Variants in ZNF521 observed in about 807,000 individuals in gnomAD.
The protein encoded by ZNF521 is zinc finger protein 521.
A neutral mutation model predicts 105.5 loss-of-function variants in ZNF521; 14 were observed. The ratio of observed to expected loss-of-function variants is 0.13; its 90% CI spans 0.09 to 0.21. ZNF521 has a LOEUF of 0.21. Ranked by LOEUF, ZNF521 falls within the 10% of genes least tolerant of loss-of-function variation. ZNF521 has a pLI of 1.00. For synonymous variants in ZNF521, 635 were observed against 606.0 expected, an observed-to-expected ratio of 1.05 and a Z score of -0.70; for missense variants, 1,233 against 1,629.7, an observed-to-expected ratio of 0.76 and a Z score of 4.19.
chr18:25,162,232 C>T (rs2035264173), intron 5 of ZNF521, among the ~76,000 whole-genome samples: 2 of 151,958 alleles, frequency 1.3e-5, no homozygotes, highest in African/African-American at 4.8e-5. Flanking sequence ...GAAAAAAAGG[C>T]CTTAACATTC....
At chr18:25,135,450 G>A (rs2034716949) in intron 5 of ZNF521, among the ~76,000 whole-genome samples, 1 of 151,950 alleles carries the variant, frequency 6.6e-6, no homozygotes, top group Admixed American at 6.6e-5. Context: ...GCTGGAGACG[G>A]CTCCATGACC....
At chr18:25,104,703 G>C (rs1360470139) in intron 5 of ZNF521, among the ~76,000 whole-genome samples, 2 of 152,138 alleles carry the variant, frequency 1.3e-5, no homozygotes, top group African/African-American at 4.8e-5. Flanking sequence ...TGTAATTGTT[G>C]CGTAAAACAG....
chr18:25,175,615 T>C (rs746297734), intron 5 of ZNF521, among the ~76,000 whole-genome samples: 4 of 152,292 alleles, frequency 2.6e-5, no homozygotes, highest in Non-Finnish European at 4.4e-5. Context: ...TAAATATTGG[T>C]TGAGTTACAA....
intron 3 of ZNF521, among the ~76,000 whole-genome samples, chr18:25,313,972 AAAACTT>A: frequency 6.6e-6 from 1 of 152,312 alleles, no homozygotes; most frequent in East Asian, 1.9e-4. Flanking sequence ...ACAGGAAAAT[AAAACTT>A]ATAGTGCCTT....
chr18:25,088,749 C>T (rs1326230140), intron 7 of ZNF521, among the ~76,000 whole-genome samples: 1 of 152,004 alleles, frequency 6.6e-6, no homozygotes, highest in Non-Finnish European at 1.5e-5. Context: ...CAGTCTATAG[C>T]TAAGAAAAAT....
intron 7 of ZNF521, among the ~76,000 whole-genome samples, chr18:25,073,101 C>T (rs939827589): frequency 1.3e-5 from 2 of 151,960 alleles, no homozygotes; most frequent in African/African-American, 2.4e-5. Flanking sequence ...ATTTCCTCTC[C>T]GCCAGCTCTC....
At chr18:25,153,269 C>A (rs913987425) in intron 5 of ZNF521, among the ~76,000 whole-genome samples, 1 of 152,176 alleles carries the variant, frequency 6.6e-6, no homozygotes, top group Non-Finnish European at 1.5e-5. Flanking sequence ...GATACTACAA[C>A]TCTCTAATAA....
intron 3 of ZNF521, among the ~76,000 whole-genome samples, chr18:25,232,724 C>T (rs45502298): frequency 0.044 from 6,769 of 152,168 alleles, 357 homozygotes; most frequent in African/African-American, 0.12. Context: ...GCCAAGAATG[C>T]GGTTTATACC....
intron 3 of ZNF521, among the ~76,000 whole-genome samples, chr18:25,252,120 C>T (rs1184188937): frequency 1.3e-5 from 2 of 152,246 alleles, no homozygotes; most frequent in East Asian, 3.9e-4. Context: ...TTTTGTATAG[C>T]ATTAGCACCC....
chr18:25,335,430 G>A (rs913464684), intron 2 of ZNF521, among the ~76,000 whole-genome samples: 24 of 152,152 alleles, frequency 1.6e-4, no homozygotes, highest in East Asian at 5.8e-4. Flanking sequence ...TCTGTACCTC[G>A]CCTAACCAGA....
intron 3 of ZNF521, among the ~76,000 whole-genome samples, chr18:25,269,750 A>C (rs889771465): frequency 6.6e-6 from 1 of 152,232 alleles, no homozygotes; most frequent in Non-Finnish European, 1.5e-5. Flanking sequence ...AATGAGAACA[A>C]AGACACAACG....
At chr18:25,099,374 G>T (rs2033919200) in intron 5 of ZNF521, among the ~76,000 whole-genome samples, 1 of 152,104 alleles carries the variant, frequency 6.6e-6, no homozygotes, top group Non-Finnish European at 1.5e-5. Context: ...ACCTTACAGT[G>T]CTTGGCTTCT....
At chr18:25,327,194 A>G (rs1913269770) in intron 2 of ZNF521, among the ~76,000 whole-genome samples, 1 of 152,196 alleles carries the variant, frequency 6.6e-6, no homozygotes, top group Admixed American at 6.5e-5. Context: ...TCTTTCAAGG[A>G]TATTGTCTGA....
At position 25,089,288 on chromosome 18, in the gene ZNF521, G is replaced by A. The variant is rs150753171; in HGVS notation, c.3906+177C>T. Among the ~76,000 whole-genome samples, 919 of 152,278 alleles carry A rather than the reference G, an allele frequency of 6.0e-3. 7 individuals are homozygous for A. The highest frequency in any genetic ancestry group is 8.5e-3 in the Non-Finnish European group (579 of 68,014). ...TTTTTATGATTGACAGCAGCCAGAG[G>A]CAAAATTACTTTGGTGTCTATTAAT... On this transcript the variant is annotated intron_variant, in intron 7 of 7. Coordinates refer to ENST00000361524, the MANE Select transcript of ZNF521 (RefSeq NM_015461.3).
chr18:25,254,152 T>G (rs1420270151), intron 3 of ZNF521, among the ~76,000 whole-genome samples: 1 of 152,108 alleles, frequency 6.6e-6, no homozygotes, highest in African/African-American at 2.4e-5. Context: ...AGGCTCTATA[T>G]CAACTTCACC....
chr18:25,124,838 C>A (rs901555883), intron 5 of ZNF521, among the ~76,000 whole-genome samples: 1 of 152,260 alleles, frequency 6.6e-6, no homozygotes, highest in South Asian at 2.1e-4. Flanking sequence ...TGATTTTAAA[C>A]CATAGGTGTT....
chr18:25,231,362 G>A (rs1219597199), intron 3 of ZNF521: 2 of 152,228 alleles, frequency 1.3e-5, no homozygotes, highest in East Asian at 3.8e-4. Context: ...TAGCAGCAGA[G>A]TAACACCTGT....
At chr18:25,273,451 T>C (rs9960653) in intron 3 of ZNF521, 1 of 151,858 alleles carries the variant, frequency 6.6e-6, no homozygotes, top group Non-Finnish European at 1.5e-5. Context: ...AAGACAAATA[T>C]GGTTGTTTGA....
chr18:25,121,076 A>G (rs899552954), intron 5 of ZNF521, among the ~76,000 whole-genome samples: 1 of 150,364 alleles, frequency 6.7e-6, no homozygotes, highest in African/African-American at 2.4e-5. Context: ...TTTTTCCTTA[A>G]CCCCTAAAAA....
Sources: allele counts gnomAD v4.1 joint callset (sites outside exome capture counted in the v4.1 genomes callset), GRCh38; gene constraint gnomAD v4.1.1; transcripts MANE v1.5; gene names NCBI Gene and HGNC (gene_info 2026-07-23, HGNC 2026-07-21).